ZBTB38: variants seen among roughly 807,000 people sequenced by gnomAD.
ZBTB38 encodes zinc finger and BTB domain containing 38, also known as zinc finger and BTB domain-containing protein 38.
ZBTB38 carries 20 observed loss-of-function variants against 76.8 expected under a neutral mutation model. The ratio of observed to expected loss-of-function variants is 0.26; its 90% confidence interval spans 0.18 to 0.38. ZBTB38 has a LOEUF of 0.38. Among genes scored for constraint, ZBTB38 ranks in the 10% least tolerant of loss-of-function variants. The pLI, the probability that ZBTB38 is intolerant of heterozygous loss-of-function variation, is 1.00. For missense variants in ZBTB38, 1,082 were observed against 1,482.3 expected (o/e 0.73, Z 4.43); for synonymous variants, 504 against 544.2 (o/e 0.93, Z 1.03).
At chr3:141,432,045 C>T (rs776225398) in intron 5 of ZBTB38, 71 of 977,142 alleles carry the variant, frequency 7.3e-5, no homozygotes, top group Non-Finnish European at 8.0e-5. Context: ...GGAGGTCTGA[C>T]GTAGTCACCC....
At chr3:141,352,867 A>G (rs1196715924) in intron 1 of ZBTB38, among the ~76,000 whole-genome samples, 1 of 152,078 alleles carries the variant, frequency 6.6e-6, no homozygotes, top group Non-Finnish European at 1.5e-5. Flanking sequence ...AAGCATGCAC[A>G]GACAAAGGAA....
At chr3:141,375,832 C>T (rs943998639) in intron 2 of ZBTB38, among the ~76,000 whole-genome samples, 1 of 152,138 alleles carries the variant, frequency 6.6e-6, no homozygotes, top group Non-Finnish European at 1.5e-5. Flanking sequence ...AGGGGAGGTA[C>T]CTGCCCCAAG....
intron 5 of ZBTB38, among the ~76,000 whole-genome samples, chr3:141,438,088 T>C (rs1406666612): frequency 2.0e-5 from 3 of 151,808 alleles, no homozygotes; most frequent in Non-Finnish European, 2.9e-5. Context: ...ATTGAACGCA[T>C]GTCTTTCTAT....
intron 5 of ZBTB38, chr3:141,432,381 C>T (rs1397230187): frequency 1.3e-5 from 9 of 711,644 alleles, no homozygotes; most frequent in South Asian, 1.3e-4. Context: ...TTAGGAGCTG[C>T]GTGGCCAAGG....
At chr3:141,401,705 T>C (rs1356721499) in intron 4 of ZBTB38, among the ~76,000 whole-genome samples, 1 of 152,070 alleles carries the variant, frequency 6.6e-6, no homozygotes, top group African/African-American at 2.4e-5. Context: ...CTGTCCATTA[T>C]TCGTGCATTA....
At chr3:141,356,913 T>A (rs1046826492) in intron 1 of ZBTB38, among the ~76,000 whole-genome samples, 6 of 152,284 alleles carry the variant, frequency 3.9e-5, no homozygotes, top group African/African-American at 9.6e-5. Flanking sequence ...TGACTTTTTT[T>A]AAAAGTTCAC....
intron 3 of ZBTB38, among the ~76,000 whole-genome samples, chr3:141,381,880 G>A (rs2149177749): frequency 6.6e-6 from 1 of 152,226 alleles, no homozygotes. Context: ...CTGAGACAGA[G>A]GCAAAATGAA....
chr3:141,441,852 GT>G (rs953139460), intron 5 of ZBTB38, among the ~76,000 whole-genome samples: 3 of 151,902 alleles, frequency 2.0e-5, no homozygotes, highest in African/African-American at 7.3e-5. Context: ...GGAAGTGGAG[GT>G]TGCAGTGAGC....
chr3:141,393,061 C>A (rs577001964), intron 4 of ZBTB38, among the ~76,000 whole-genome samples: 1 of 152,190 alleles, frequency 6.6e-6, no homozygotes, highest in South Asian at 2.1e-4. Flanking sequence ...ACTGAACACT[C>A]CCTATGTTTG....
At chr3:141,438,370 G>GCA in intron 5 of ZBTB38, 2 of 152,530 alleles carry the variant, frequency 1.3e-5, no homozygotes, top group Non-Finnish European at 2.9e-5. Context: ...TTACAGGTAT[G>GCA]TGCCACCATG....
chr3:141,425,381 T>C (rs1467077442), intron 5 of ZBTB38, among the ~76,000 whole-genome samples: 1 of 152,262 alleles, frequency 6.6e-6, no homozygotes, highest in Non-Finnish European at 1.5e-5. Context: ...GTCATATTCA[T>C]AAGTGCCATA....
chr3:141,437,786 C>G (rs1192350476), intron 5 of ZBTB38, among the ~76,000 whole-genome samples: 1 of 152,170 alleles, frequency 6.6e-6, no homozygotes, highest in African/African-American at 2.4e-5. Flanking sequence ...GAATACCTCC[C>G]AGGTGATTTT....
At chr3:141,409,500 A>G (rs192673951) in intron 5 of ZBTB38, among the ~76,000 whole-genome samples, 1 of 152,348 alleles carries the variant, frequency 6.6e-6, no homozygotes, top group African/African-American at 2.4e-5. Context: ...CTCATCCTTA[A>G]TATTATTGTA....
At chr3:141,383,644 T>G (rs1946515211) in intron 3 of ZBTB38, 1 of 152,206 alleles carries the variant, frequency 6.6e-6, no homozygotes, top group South Asian at 2.1e-4. Context: ...CCGTGCAATT[T>G]AACTTTAACC....
chr3:141,379,332 C>T (rs1945863629), intron 2 of ZBTB38, among the ~76,000 whole-genome samples: 1 of 152,190 alleles, frequency 6.6e-6, no homozygotes, highest in Non-Finnish European at 1.5e-5. Flanking sequence ...TATTTACTCC[C>T]AGGTTCTGCA....
chr3:141,364,602 G>A (rs559465102), upstream of ZBTB38, among the ~76,000 whole-genome samples: 32 of 146,918 alleles, frequency 2.2e-4, no homozygotes, highest in African/African-American at 6.4e-4. Context: ...GCTTGAACCC[G>A]GGAGGTGGAA....
intron 5 of ZBTB38, among the ~76,000 whole-genome samples, chr3:141,411,993 C>T (rs35225290): frequency 0.25 from 38,588 of 152,078 alleles, 5,742 homozygotes; most frequent in Non-Finnish European, 0.34. Context: ...AGAAGATTTG[C>T]ACCTTTCTCT....
intron 5 of ZBTB38, among the ~76,000 whole-genome samples, chr3:141,406,969 C>T (rs941530255): frequency 6.6e-6 from 1 of 152,170 alleles, no homozygotes; most frequent in Non-Finnish European, 1.5e-5. Context: ...CTCAAATTTA[C>T]ACAAATCAAG....
At chr3:141,361,081 CTTTG>C (rs1169285923) in intron 1 of ZBTB38, among the ~76,000 whole-genome samples, 1 of 152,190 alleles carries the variant, frequency 6.6e-6, no homozygotes, top group African/African-American at 2.4e-5. Flanking sequence ...ACTCAGGGAA[CTTTG>C]TTTTCCTCTC....
Sources: gnomAD v4.1 joint callset for allele counts (sites outside exome capture counted in the v4.1 genomes callset) on GRCh38, gnomAD v4.1.1 for gene constraint, MANE v1.5 for transcripts, NCBI Gene and HGNC (gene_info 2026-07-23, HGNC 2026-07-21) for gene names.